Variants in PRKN observed in about 807,000 individuals in gnomAD.
PRKN encodes the protein parkin RBR E3 ubiquitin protein ligase.
PRKN carries 56 observed loss-of-function variants against 59.5 expected under a neutral mutation model. The observed-to-expected ratio is 0.94, with a 90% CI of 0.76 to 1.18. The LOEUF (loss-of-function observed/expected upper bound fraction) is 1.18, where lower values mean the gene tolerates loss of function less well. Ranked by LOEUF, PRKN falls within the 50% of genes most tolerant of loss-of-function variation. The pLI, the probability that PRKN is intolerant of heterozygous loss-of-function variation, is 0.00. For missense variants in PRKN, 657 were observed against 596.4 expected, an observed-to-expected ratio of 1.10 and a Z score of -1.06; for synonymous variants, 250 against 222.1, an observed-to-expected ratio of 1.13 and a Z score of -1.12.
intron 9 of PRKN, among the ~76,000 whole-genome samples, chr6:161,519,546 C>T (rs1255764178): frequency 6.6e-6 from 1 of 151,970 alleles, no homozygotes; most frequent in African/African-American, 2.4e-5. Context: ...TGGGCTGAGC[C>T]CAAGGAGAAT....
chr6:162,458,307 T>C (rs112069303), intron 1 of PRKN, among the ~76,000 whole-genome samples: 1,487 of 135,042 alleles, frequency 0.011, 32 homozygotes, highest in African/African-American at 0.041. Flanking sequence ...GTGCCTGTAA[T>C]CCCAGCTACT....
chr6:162,637,333 G>A (rs1428644836), intron 1 of PRKN, among the ~76,000 whole-genome samples: 1 of 133,450 alleles, frequency 7.5e-6, no homozygotes, highest in Non-Finnish European at 1.5e-5. Context: ...CCATCAGATT[G>A]AGATTTCAGG....
At chr6:162,291,108 T>G (rs957465032) in intron 2 of PRKN, among the ~76,000 whole-genome samples, 2 of 152,100 alleles carry the variant, frequency 1.3e-5, no homozygotes, top group African/African-American at 4.8e-5. Flanking sequence ...CGGAGGCACA[T>G]AAAACATGAA....
intron 3 of PRKN, among the ~76,000 whole-genome samples, chr6:162,216,737 C>CTTTG (rs1777689503): frequency 6.6e-6 from 1 of 152,024 alleles, no homozygotes; most frequent in Admixed American, 6.6e-5. Context: ...CTTTGATGAA[C>CTTTG]AGCCACTCAC....
chr6:161,427,044 G>A (rs998472195), intron 9 of PRKN, among the ~76,000 whole-genome samples: 4 of 151,404 alleles, frequency 2.6e-5, no homozygotes, highest in Non-Finnish European at 4.4e-5. Flanking sequence ...TTGAGACAGG[G>A]TTTTACTCTG....
Position 162,262,782 on chromosome 6 carries a change from T to TAAA in PRKN, c.172-20_172-18dup, listed in dbSNP as rs751742289. 8.7e-4 allele frequency: 1,186 copies of TAAA among 1,360,230 alleles called. 3 individuals are homozygous for TAAA. The highest frequency in any genetic ancestry group is 4.5e-3 in the South Asian group (322 of 71,136). The allele number at this position is 1,360,230 out of a possible 1,614,324, so 84.3% of individuals were successfully genotyped here. A position where few individuals can be genotyped will look rare whatever the true frequency, so the allele number is the denominator to read the frequency against. On this transcript the variant is annotated splice_polypyrimidine_tract_variant and intron_variant, in intron 2 of 11. Coordinates refer to ENST00000366898, the MANE Select transcript of PRKN (RefSeq NM_004562.3). ...GTCACAATTCTGTTTGGGAGCAAGG[T>TAAA]AAAAAAAAAAAAAAAAAAAAAGGAA...
At chr6:161,860,221 C>A (rs1793835430) in intron 6 of PRKN, among the ~76,000 whole-genome samples, 1 of 152,132 alleles carries the variant, frequency 6.6e-6, no homozygotes, top group Non-Finnish European at 1.5e-5. Context: ...CTTTCCCTGC[C>A]TTTTTGAGTG....
At chr6:161,841,078 A>T (rs1166484571) in intron 6 of PRKN, among the ~76,000 whole-genome samples, 2 of 152,228 alleles carry the variant, frequency 1.3e-5, no homozygotes, top group African/African-American at 4.8e-5. Flanking sequence ...GTGTATACCA[A>T]AAGGAATATA....
intron 2 of PRKN, among the ~76,000 whole-genome samples, chr6:162,441,091 C>G (rs1481164108): frequency 6.6e-6 from 1 of 151,802 alleles, no homozygotes; most frequent in Non-Finnish European, 1.5e-5. Flanking sequence ...TTTCAGTGTC[C>G]TCAGACACAA....
At position 161,569,474 on chromosome 6, in the gene PRKN, T is replaced by C. The variant is rs143283042; in HGVS notation, c.872-58A>G. 1.4e-3 allele frequency: 1,972 copies of C among 1,430,366 alleles called. 24 individuals are homozygous for C. In the African/African-American group the frequency reaches 0.025, roughly 18 times the overall value. The allele number at this position is 1,430,366 out of a possible 1,614,324, so 88.6% of individuals were successfully genotyped here. A position where few individuals can be genotyped will look rare whatever the true frequency, so the allele number is the denominator to read the frequency against. ...CACTTTCACTCTGTGTGGTTATATG[T>C]TCTTACACAGAGTTATGACTATCAA... On this transcript the variant is annotated intron_variant, in intron 7 of 11. Coordinates refer to ENST00000366898, the MANE Select transcript of PRKN (RefSeq NM_004562.3).
chr6:161,742,172 G>A (rs886073845), intron 7 of PRKN, among the ~76,000 whole-genome samples: 2 of 152,126 alleles, frequency 1.3e-5, no homozygotes. Context: ...ATTTTACCAT[G>A]TTGGCCAGGC....
At chr6:162,461,605 G>C (rs1484483716) in intron 1 of PRKN, among the ~76,000 whole-genome samples, 2 of 150,902 alleles carry the variant, frequency 1.3e-5, no homozygotes, top group African/African-American at 4.9e-5. Flanking sequence ...TGGATCACTT[G>C]AGGTCAAGAG....
chr6:161,418,850 C>T (rs1237520674), intron 9 of PRKN, among the ~76,000 whole-genome samples: 2 of 152,184 alleles, frequency 1.3e-5, no homozygotes, highest in Non-Finnish European at 2.9e-5. Flanking sequence ...AACTGCCTGA[C>T]CCTATAAACA....
At chr6:161,764,621 T>C (rs1273662094) in intron 7 of PRKN, among the ~76,000 whole-genome samples, 1 of 152,234 alleles carries the variant, frequency 6.6e-6, no homozygotes, top group Admixed American at 6.5e-5. Context: ...AATTTAATTG[T>C]GCATTTCTAT....
At chr6:162,343,291 C>A (rs1434665078) in intron 2 of PRKN, among the ~76,000 whole-genome samples, 1 of 152,024 alleles carries the variant, frequency 6.6e-6, no homozygotes, top group Non-Finnish European at 1.5e-5. Flanking sequence ...AATGATAATA[C>A]CTTTATATTA....
chr6:161,707,271 G>C (rs942461632), intron 7 of PRKN, among the ~76,000 whole-genome samples: 2 of 127,450 alleles, frequency 1.6e-5, no homozygotes, highest in African/African-American at 5.3e-5. Context: ...AATCTGTACA[G>C]TTATAAGAGA....
At chr6:162,211,809 A>C (rs1785208664) in intron 3 of PRKN, among the ~76,000 whole-genome samples, 1 of 152,164 alleles carries the variant, frequency 6.6e-6, no homozygotes, top group Non-Finnish European at 1.5e-5. Context: ...AATGTTAAAA[A>C]ATTTGGATCA....
intron 6 of PRKN, among the ~76,000 whole-genome samples, chr6:161,799,317 T>C (rs899796075): frequency 6.6e-6 from 1 of 152,214 alleles, no homozygotes; most frequent in Non-Finnish European, 1.5e-5. Flanking sequence ...ACTCAAGGAA[T>C]GAATGACTAT....
At chr6:162,692,869 G>A (rs772685331) in intron 1 of PRKN, among the ~76,000 whole-genome samples, 8 of 152,082 alleles carry the variant, frequency 5.3e-5, no homozygotes, top group Admixed American at 6.5e-5. Flanking sequence ...CACTGAACCC[G>A]AGAGACAAAC....
Sources: gnomAD v4.1 joint callset for allele counts (sites outside exome capture counted in the v4.1 genomes callset) on GRCh38, gnomAD v4.1.1 for gene constraint, MANE v1.5 for transcripts, NCBI Gene and HGNC (gene_info 2026-07-23, HGNC 2026-07-21) for gene names.